TCF12: variants seen among roughly 807,000 people sequenced by gnomAD.
TCF12 encodes DNA-binding protein HTF4.
A neutral mutation model predicts 86.0 loss-of-function variants in TCF12; 45 were observed. The ratio of observed to expected loss-of-function variants is 0.52; its 90% CI spans 0.41 to 0.67. The LOEUF (loss-of-function observed/expected upper bound fraction) is 0.67, where lower values mean the gene tolerates loss of function less well. Ranked by LOEUF, TCF12 falls within the 30% of genes least tolerant of loss-of-function variation. The pLI, the probability that TCF12 is intolerant of heterozygous loss-of-function variation, is 0.00. For synonymous variants in TCF12, 330 were observed against 299.6 expected, an observed-to-expected ratio of 1.10 and a Z score of -1.05; for missense variants, 881 against 859.9, an observed-to-expected ratio of 1.02 and a Z score of -0.31.
chr15:56,959,995 C>A (rs1053139446), intron 3 of TCF12, among the ~76,000 whole-genome samples: 4 of 152,058 alleles, frequency 2.6e-5, no homozygotes, highest in African/African-American at 9.7e-5. Flanking sequence ...AAAGTAATTG[C>A]AGTTTTTGCC....
At chr15:57,261,583 G>A (rs895872891) in intron 16 of TCF12, among the ~76,000 whole-genome samples, 1 of 152,056 alleles carries the variant, frequency 6.6e-6, no homozygotes, top group Non-Finnish European at 1.5e-5. Flanking sequence ...TAGTTGACAC[G>A]TCTGCTACTA....
intron 8 of TCF12, among the ~76,000 whole-genome samples, chr15:57,198,876 T>C (rs1371915632): frequency 6.6e-6 from 1 of 152,212 alleles, no homozygotes. Context: ...TCTGAGCTTT[T>C]TAGTTTTTAT....
chr15:56,926,658 A>G (rs2060029119), intron 3 of TCF12, among the ~76,000 whole-genome samples: 1 of 151,874 alleles, frequency 6.6e-6, no homozygotes, highest in Non-Finnish European at 1.5e-5. Context: ...ATTAATCACC[A>G]CTCCTTAATT....
intron 3 of TCF12, among the ~76,000 whole-genome samples, chr15:57,030,340 C>G (rs2066088789): frequency 6.6e-6 from 1 of 152,152 alleles, no homozygotes; most frequent in South Asian, 2.1e-4. Flanking sequence ...CTGAGCTCAA[C>G]TGATTCTCCC....
intron 3 of TCF12, among the ~76,000 whole-genome samples, chr15:57,007,844 C>G (rs554945510): frequency 3.8e-5 from 4 of 105,648 alleles, no homozygotes; most frequent in African/African-American, 1.4e-4. Flanking sequence ...TTCTTTCTCT[C>G]TTTCCCTCCC....
chr15:57,263,403 G>A, intron 18 of TCF12, 129 bp downstream of exon 18: 2 of 943,106 alleles, frequency 2.1e-6, no homozygotes, highest in Non-Finnish European at 3.1e-6. Context: ...TTTTGTGTAT[G>A]TTGTCTCATT....
chr15:57,060,603 C>A (rs2068389794), intron 3 of TCF12, among the ~76,000 whole-genome samples: 1 of 152,132 alleles, frequency 6.6e-6, no homozygotes, highest in Non-Finnish European at 1.5e-5. Flanking sequence ...GAACTAACTT[C>A]TCTGAAATTG....
chr15:56,962,132 CAAAAAAAA>C (rs397853683), intron 3 of TCF12, among the ~76,000 whole-genome samples: 7 of 63,022 alleles, frequency 1.1e-4, no homozygotes, highest in South Asian at 5.2e-4. Flanking sequence ...GACTCCGTCT[CAAAAAAAA>C]AAAAAAAAAA....
chr15:57,286,803 TTTTTA>T lies in TCF12; in HGVS notation c.*663_*667del. On this transcript the variant is annotated 3_prime_UTR_variant, in exon 21 of 21. Transcript: ENST00000333725. ...TCTCTTGCTCTCATTTTTTGATTTA[TTTTTA>T]TTTTCTCTTTGTGGGTGTTATATTT... 2.6e-6 allele frequency: 1 copy of T among 379,540 alleles called. No individual in the cohort carries two copies. The highest frequency in any genetic ancestry group is 5.2e-6 in the Non-Finnish European group (1 of 194,012). 23.5% of individuals were successfully genotyped at this position (379,540 alleles called of 1,614,324 possible).
intron 5 of TCF12, among the ~76,000 whole-genome samples, chr15:57,093,826 C>G (rs2049147593): frequency 6.6e-6 from 1 of 152,098 alleles, no homozygotes; most frequent in Non-Finnish European, 1.5e-5. Flanking sequence ...GTAGATTGAT[C>G]TCTTAATTCA....
chr15:57,201,921 TG>T (rs1180811651), intron 8 of TCF12, among the ~76,000 whole-genome samples: 4 of 152,126 alleles, frequency 2.6e-5, no homozygotes, highest in Admixed American at 2.0e-4. Flanking sequence ...GGTGGGGATT[TG>T]GGGCAGGGTT....
chr15:56,922,811 A>AT (rs1461199007), intron 3 of TCF12, among the ~76,000 whole-genome samples: 3 of 151,628 alleles, frequency 2.0e-5, no homozygotes, highest in African/African-American at 4.8e-5. Context: ...ATGCCATGTG[A>AT]TTTTTTTTCA....
chr15:57,203,193 C>G (rs2151772493), intron 8 of TCF12, among the ~76,000 whole-genome samples: 1 of 152,264 alleles, frequency 6.6e-6, no homozygotes, highest in Non-Finnish European at 1.5e-5. Context: ...CTTGTTGAAT[C>G]AAATCCGGCT....
At chr15:57,007,062 T>G (rs555268682) in intron 3 of TCF12, among the ~76,000 whole-genome samples, 1 of 152,340 alleles carries the variant, frequency 6.6e-6, no homozygotes, top group South Asian at 2.1e-4. Flanking sequence ...GTAAGGTTAA[T>G]GAAATGTTTT....
At chr15:57,052,764 A>G (rs140147675) in intron 3 of TCF12, among the ~76,000 whole-genome samples, 136 of 152,272 alleles carry the variant, frequency 8.9e-4, no homozygotes, top group African/African-American at 2.9e-3. Context: ...TGTATTCAGC[A>G]TTGAAGGTGA....
At chr15:57,026,565 T>C (rs2065836804) in intron 3 of TCF12, among the ~76,000 whole-genome samples, 1 of 152,224 alleles carries the variant, frequency 6.6e-6, no homozygotes, top group Admixed American at 6.5e-5. Flanking sequence ...ATTTACAGTT[T>C]AAGGGAAAAA....
chr15:57,232,197 A>G, intron 9 of TCF12, 94 bp from the exon 10 acceptor site: 2 of 1,420,394 alleles, frequency 1.4e-6, no homozygotes, highest in Non-Finnish European at 2.0e-6. Context: ...GAGGAAAAAT[A>G]TCTGGAGGGT....
intron 3 of TCF12, among the ~76,000 whole-genome samples, chr15:56,970,886 C>T (rs1311589401): frequency 7.1e-6 from 1 of 141,178 alleles, no homozygotes; most frequent in Non-Finnish European, 1.6e-5. Flanking sequence ...CCTGTCTCTA[C>T]AAAAAATAAA....
At chr15:56,975,470 C>G (rs1267310168) in intron 3 of TCF12, among the ~76,000 whole-genome samples, 1 of 151,908 alleles carries the variant, frequency 6.6e-6, no homozygotes, top group African/African-American at 2.4e-5. Flanking sequence ...TAATAACTAG[C>G]CACATAATGA....
Sources: allele counts gnomAD v4.1 joint callset (sites outside exome capture counted in the v4.1 genomes callset), GRCh38; gene constraint gnomAD v4.1.1; transcripts MANE v1.5; gene names NCBI Gene and HGNC (gene_info 2026-07-23, HGNC 2026-07-21).